Variants in NCOA2 observed in about 807,000 individuals in gnomAD.
NCOA2 encodes the protein class E basic helix-loop-helix protein 75.
In NCOA2, 21 loss-of-function variants were observed where a neutral mutation model predicts 145.1. The observed-to-expected ratio is 0.14, with a 90% CI of 0.10 to 0.21. The LOEUF (loss-of-function observed/expected upper bound fraction) is 0.21, where lower values mean the gene tolerates loss of function less well. Ranked by LOEUF, NCOA2 falls within the 10% of genes least tolerant of loss-of-function variation. NCOA2 has a pLI of 1.00. For synonymous variants in NCOA2, 619 were observed against 637.5 expected, an observed-to-expected ratio of 0.97 and a Z score of 0.44; for missense variants, 1,472 against 1,837.6, an observed-to-expected ratio of 0.80 and a Z score of 3.64.
At chr8:70,162,488 T>G (rs1813138741) in intron 9 of NCOA2, among the ~76,000 whole-genome samples, 1 of 152,218 alleles carries the variant, frequency 6.6e-6, no homozygotes, top group Non-Finnish European at 1.5e-5. Flanking sequence ...CTTCCTCCTT[T>G]TGCCTGCCTC....
At chr8:70,355,803 A>G (rs1357801082) in intron 1 of NCOA2, among the ~76,000 whole-genome samples, 3 of 152,204 alleles carry the variant, frequency 2.0e-5, no homozygotes, top group African/African-American at 7.2e-5. Context: ...GTTGTAATTC[A>G]TTAGTATATC....
At chr8:70,115,613 C>A (rs1347451916) in intron 22 of NCOA2, among the ~76,000 whole-genome samples, 3 of 152,088 alleles carry the variant, frequency 2.0e-5, no homozygotes, top group Non-Finnish European at 2.9e-5. Context: ...TAAAAGCCGA[C>A]CCTATTAGTA....
intron 1 of NCOA2, among the ~76,000 whole-genome samples, chr8:70,400,167 C>T (rs1359674732): frequency 3.3e-5 from 5 of 152,130 alleles, no homozygotes; most frequent in Non-Finnish European, 5.9e-5. Flanking sequence ...GGGTTAAAAT[C>T]CAAAACATAT....
chr8:70,195,137 A>G (rs1817142264), intron 4 of NCOA2, among the ~76,000 whole-genome samples: 1 of 152,100 alleles, frequency 6.6e-6, no homozygotes, highest in African/African-American at 2.4e-5. Context: ...CCAAGTCAGC[A>G]CTCTGTATGT....
chr8:70,441,033 TGAAA>T, the NCOA2 span, among the ~76,000 whole-genome samples: 4 of 30,770 alleles, frequency 1.3e-4, no homozygotes, highest in East Asian at 1.4e-3. Flanking sequence ...AGGAAAGAAA[TGAAA>T]GAAAGAGAAA....
chr8:70,228,004 CAAAA>C (rs34992637), intron 2 of NCOA2, among the ~76,000 whole-genome samples: 1 of 112,276 alleles, frequency 8.9e-6, no homozygotes, highest in Admixed American at 1.0e-4. Context: ...GACTCCATCT[CAAAA>C]AAAAAAAAAA....
intron 4 of NCOA2, among the ~76,000 whole-genome samples, chr8:70,188,288 A>G (rs1816301352): frequency 6.6e-6 from 1 of 152,242 alleles, no homozygotes; most frequent in South Asian, 2.1e-4. Context: ...TTCCCAGAGA[A>G]TGGAATGGTG....
chr8:70,453,244 C>T, the NCOA2 span, among the ~76,000 whole-genome samples: 3 of 152,196 alleles, frequency 2.0e-5, no homozygotes, highest in African/African-American at 7.2e-5. Context: ...TTGCTATCTA[C>T]CTTCCCCTTA....
intron 1 of NCOA2, among the ~76,000 whole-genome samples, chr8:70,368,288 G>T (rs909666816): frequency 2.0e-5 from 3 of 152,210 alleles, no homozygotes; most frequent in African/African-American, 7.2e-5. Context: ...GAAGTGCAAG[G>T]CCGCATAGGG....
chr8:70,241,370 T>C (rs1822115763), intron 2 of NCOA2, among the ~76,000 whole-genome samples: 1 of 152,196 alleles, frequency 6.6e-6, no homozygotes, highest in Non-Finnish European at 1.5e-5. Flanking sequence ...AATGCTCTCC[T>C]TCATTCTCCT....
intron 1 of NCOA2, among the ~76,000 whole-genome samples, chr8:70,302,381 T>C (rs1827576259): frequency 6.6e-6 from 1 of 152,178 alleles, no homozygotes. Context: ...GATTAACTTC[T>C]ATATATACTG....
rs1810897099 is a variant in NCOA2, at chr8:70,145,160, CTCT to C, written c.2606-315_2606-313del. ...TCATTCATTCATTCATTCTCTCTCT[CTCT>C]TTTTTTATTCTGAGACAGAGTTTCG... On this transcript the variant is annotated intron_variant, in intron 12 of 22. Transcript: ENST00000452400. Among the ~76,000 whole-genome samples the C allele has an allele frequency of 2.6e-5, 4 of 152,062 alleles. No homozygotes were observed. The South Asian group carries it at 8.3e-4, about 32-fold the overall frequency.
At chr8:70,399,416 G>A (rs1227798133) in intron 1 of NCOA2, among the ~76,000 whole-genome samples, 2 of 151,768 alleles carry the variant, frequency 1.3e-5, no homozygotes, top group Non-Finnish European at 2.9e-5. Context: ...CCCTTAAATG[G>A]CTTTCATTTT....
At chr8:70,386,424 A>G (rs1372089880) in intron 1 of NCOA2, among the ~76,000 whole-genome samples, 1 of 152,332 alleles carries the variant, frequency 6.6e-6, no homozygotes, top group East Asian at 1.9e-4. Context: ...GGGAAGCAGC[A>G]TCATTCTAGT....
At chr8:70,304,658 GT>G (rs941035676) in intron 1 of NCOA2, among the ~76,000 whole-genome samples, 1 of 150,728 alleles carries the variant, frequency 6.6e-6, no homozygotes, top group Non-Finnish European at 1.5e-5. Context: ...GTTTTGTTTT[GT>G]TTTTTTGTTT....
In NCOA2 at chr8:70,316,099, A is replaced by C. The variant is rs576112459; in HGVS notation, c.-76-19299T>G. Reference sequence around the variant, plus strand: ...CTAGGGAGAGTCATCCGCACGATGCATAAGGTAAGGAAAATGCAGCATCAC... The same window carrying C: ...CTAGGGAGAGTCATCCGCACGATGCCTAAGGTAAGGAAAATGCAGCATCAC... On this transcript the variant is annotated intron_variant, in intron 1 of 22. Coordinates refer to ENST00000452400, the MANE Select transcript of NCOA2 (RefSeq NM_006540.4). Among the ~76,000 whole-genome samples the C allele has an allele frequency of 2.2e-4, 34 of 152,336 alleles. 1 individual carries two copies. Among genetic ancestry groups the C allele is most frequent in the Non-Finnish European group, 1.2e-4 (8 of 68,024 alleles).
At chr8:70,384,780 C>G (rs890234629) in intron 1 of NCOA2, among the ~76,000 whole-genome samples, 1 of 152,142 alleles carries the variant, frequency 6.6e-6, no homozygotes, top group Non-Finnish European at 1.5e-5. Flanking sequence ...GTCAGGTTCA[C>G]CTTCAACCAC....
In NCOA2 at chr8:70,138,165, T is replaced by C. The variant is rs751893762; in HGVS notation, c.3158+38A>G. The C allele has an allele frequency of 1.3e-5, 21 of 1,584,564 alleles. No individual in the cohort carries two copies. In the Admixed American group the frequency reaches 4.1e-4, roughly 31 times the overall value. On this transcript the variant is annotated intron_variant, in intron 15 of 22. Transcript: ENST00000452400. ...AGGAAAAGATTAATTTCTGGACAGGTATAAAATAACTGGCTACCCTAGGTG... is the reference window on the plus strand; with the variant it reads ...AGGAAAAGATTAATTTCTGGACAGGCATAAAATAACTGGCTACCCTAGGTG...
intron 2 of NCOA2, among the ~76,000 whole-genome samples, chr8:70,271,171 C>T (rs892228790): frequency 6.6e-6 from 1 of 152,122 alleles, no homozygotes; most frequent in African/African-American, 2.4e-5. Flanking sequence ...TCTTTGTTTG[C>T]CATCTTTCAA....
Sources: gnomAD v4.1 joint callset for allele counts (sites outside exome capture counted in the v4.1 genomes callset) on GRCh38, gnomAD v4.1.1 for gene constraint, MANE v1.5 for transcripts, NCBI Gene and HGNC (gene_info 2026-07-23, HGNC 2026-07-21) for gene names.